Variants in DISP3 observed in about 807,000 individuals in gnomAD.
The protein encoded by DISP3 is dispatched RND transporter family member 3.
In DISP3, 101 loss-of-function variants were observed where a neutral mutation model predicts 135.3. The ratio of observed to expected loss-of-function variants is 0.75; its 90% CI spans 0.64 to 0.88. DISP3 has a LOEUF of 0.88. Among genes scored for constraint, DISP3 ranks in the 40% least tolerant of loss-of-function variants. The probability of loss-of-function intolerance (pLI) is 0.00; values close to 1 mark genes in which losing one functional copy is unlikely to be tolerated. For missense variants in DISP3, 1,713 were observed against 1,878.6 expected (o/e 0.91, Z 1.63); for synonymous variants, 856 against 817.0 (o/e 1.05, Z -0.81).
At chr1:11,517,681 T>G in intron 7 of DISP3, 79 bp downstream of exon 7, 8 of 1,532,782 alleles carry the variant, frequency 5.2e-6, no homozygotes, top group South Asian at 1.1e-5. Flanking sequence ...GCAACCTCTC[T>G]TCCAAAAGCC....
intron 1 of DISP3, among the ~76,000 whole-genome samples, chr1:11,488,962 G>A (rs1226551088): frequency 4.6e-5 from 7 of 152,282 alleles, no homozygotes; most frequent in South Asian, 2.1e-4. Flanking sequence ...CGCCTCCCCC[G>A]CGATGAGAGG....
In DISP3 at chr1:11,501,542, G is replaced by A. The variant is rs1196464584; in HGVS notation, c.550G>A (p.Gly184Ser). Residue 184 changes from glycine (G) to serine (S), a missense_variant, in exon 2 of 21, where the codon GGC becomes AGC. This residue lies in a region of DISP3 where 571 missense variants were observed against 494.1 expected (regional missense o/e 1.16). Coordinates refer to ENST00000294484, the MANE Select transcript of DISP3 (RefSeq NM_020780.2). The surrounding 1 kb of genome is among the most constrained non-coding windows in gnomAD (Gnocchi z 4.9). ...VIPAASLGGP[G>S]PYRDTSAAQK... Reference sequence around the variant, plus strand: ...CCCCGCGGCCTCACTCGGTGGCCCAGGCCCTTACCGGGACACTTCCGCGGC... The same window carrying A: ...CCCCGCGGCCTCACTCGGTGGCCCAAGCCCTTACCGGGACACTTCCGCGGC... The A allele has an allele frequency of 1.3e-6, 2 of 1,592,482 alleles. No homozygotes were observed. The highest frequency in any genetic ancestry group is 1.7e-6 in the Non-Finnish European group (2 of 1,168,396).
intron 1 of DISP3, among the ~76,000 whole-genome samples, chr1:11,492,900 CTAGG>C (rs766143340): frequency 2.0e-5 from 3 of 152,152 alleles, no homozygotes; most frequent in Non-Finnish European, 2.9e-5. Flanking sequence ...ATTTGAGATT[CTAGG>C]TAGGACTTGG....
chr1:11,534,171 C>T (rs1468463661), intron 17 of DISP3, among the ~76,000 whole-genome samples: 2 of 152,242 alleles, frequency 1.3e-5, no homozygotes, highest in Admixed American at 6.5e-5. Context: ...TGGGCAGGGA[C>T]TGTGGTTGCA....
chr1:11,513,785 T>C (rs1312211463), intron 3 of DISP3, among the ~76,000 whole-genome samples: 1 of 152,188 alleles, frequency 6.6e-6, no homozygotes, highest in Admixed American at 6.5e-5. Flanking sequence ...TCATTTTGTT[T>C]CTCATCTCTC....
intron 1 of DISP3, among the ~76,000 whole-genome samples, chr1:11,488,963 C>T (rs894774418): frequency 3.9e-5 from 6 of 152,158 alleles, no homozygotes; most frequent in South Asian, 2.1e-4. Context: ...GCCTCCCCCG[C>T]GATGAGAGGA....
intron 12 of DISP3, 75 bp from the exon 13 acceptor site, chr1:11,526,576 C>T (rs903388781): frequency 2.2e-5 from 33 of 1,489,480 alleles, no homozygotes; most frequent in East Asian, 1.4e-4. Context: ...AGGGAGGGGA[C>T]GGAGCCTGAG....
At position 11,519,471 on chromosome 1, in the gene DISP3, ACAT is replaced by A. The variant is rs768423644; in HGVS notation, c.2008_2010del (p.Ile670del). ...GGCCCCATACCCTACCTGGATGATGACATCCCCTTGCTGGAGGTCGAGGAAGAG... is the reference window on the plus strand; with the variant it reads ...GGCCCCATACCCTACCTGGATGATGACCCCTTGCTGGAGGTCGAGGAAGAG... On this transcript the variant is annotated inframe_deletion, in exon 8 of 21. Coordinates refer to ENST00000294484, the MANE Select transcript of DISP3 (RefSeq NM_020780.2). This position sits in a 1 kb window ranked among gnomAD's most constrained non-coding sequence, Gnocchi z 4.3. 1 of 1,613,712 alleles carries A rather than the reference ACAT, an allele frequency of 6.2e-7. No homozygotes were observed. Among genetic ancestry groups the A allele is most frequent in the Non-Finnish European group, 8.5e-7 (1 of 1,180,008 alleles).
At chr1:11,498,308 G>C (rs1204198387) in intron 1 of DISP3, among the ~76,000 whole-genome samples, 1 of 152,204 alleles carries the variant, frequency 6.6e-6, no homozygotes, top group East Asian at 1.9e-4. Context: ...GTTACTCAAT[G>C]ACCGGGGGCT....
chr1:11,500,037 C>A (rs1641457481), intron 1 of DISP3, among the ~76,000 whole-genome samples: 1 of 152,274 alleles, frequency 6.6e-6, no homozygotes, highest in Non-Finnish European at 1.5e-5. Context: ...GGCCACCCCG[C>A]TGGAGTCCTC....
At chr1:11,533,863 C>T (rs1021499950) in intron 17 of DISP3, 4 of 717,436 alleles carry the variant, frequency 5.6e-6, no homozygotes, top group Non-Finnish European at 7.8e-6. Flanking sequence ...CATCCATGAG[C>T]ACCTCTCGGG....
At chr1:11,500,871 C>A (rs1252339305) in intron 1 of DISP3, 119 bp from the exon 2 acceptor site, 3 of 1,079,092 alleles carry the variant, frequency 2.8e-6, no homozygotes, top group African/African-American at 1.6e-5. Context: ...AATTCCATTG[C>A]AGTATTAGTA....
chr1:11,483,220 A>G lies in DISP3; in HGVS notation c.-4+3848A>G, dbSNP rs563663627. ...CACGGGCGGGAGGATTGAGAGGAAT[A>G]TGTGTCTGTGTGTTGTCAAAGCTCT... On this transcript the variant is annotated intron_variant, in intron 1 of 20. Coordinates refer to ENST00000294484, the MANE Select transcript of DISP3 (RefSeq NM_020780.2). This position sits in a 1 kb window ranked among gnomAD's most constrained non-coding sequence, Gnocchi z 5.4. Among the ~76,000 whole-genome samples the G allele has an allele frequency of 1.3e-5, 2 of 152,328 alleles. No homozygotes were observed. Among genetic ancestry groups the G allele is most frequent in the African/African-American group, 4.8e-5 (2 of 41,574 alleles).
At chr1:11,497,024 G>C (rs958528200) in intron 1 of DISP3, among the ~76,000 whole-genome samples, 2 of 152,114 alleles carry the variant, frequency 1.3e-5, no homozygotes, top group African/African-American at 2.4e-5. Context: ...AGGCAGGCAC[G>C]GGGTGGGGAG....
In DISP3 at chr1:11,519,383, T is replaced by G. The variant is rs1557611841; in HGVS notation, c.1918T>G (p.Ser640Ala). 6.2e-7 allele frequency: 1 copy of G among 1,613,558 alleles called. No individual in the cohort carries two copies. Among genetic ancestry groups the G allele is most frequent in the Non-Finnish European group, 8.5e-7 (1 of 1,179,932 alleles). Residue 640 changes from serine (S) to alanine (A), a missense_variant, in exon 8 of 21, where the codon TCC becomes GCC. Ser to Ala is a moderately conservative substitution (Grantham distance 99). Transcript: ENST00000294484. This position sits in a 1 kb window ranked among gnomAD's most constrained non-coding sequence, Gnocchi z 4.3. Reference protein sequence around the residue: ...SCHQNCSRKTSLHFPGDVFAA... With the variant: ...SCHQNCSRKTALHFPGDVFAA... ...CCACCAGAATTGCAGCCGGAAGACCTCCCTGCACTTCCCCGGAGACGTGTT... is the reference window on the plus strand; with the variant it reads ...CCACCAGAATTGCAGCCGGAAGACCGCCCTGCACTTCCCCGGAGACGTGTT...
chr1:11,505,053 T>G (rs1447546016), intron 3 of DISP3, among the ~76,000 whole-genome samples: 1 of 152,234 alleles, frequency 6.6e-6, no homozygotes, highest in Non-Finnish European at 1.5e-5. Context: ...ACAGTGCTTC[T>G]CACTCTGTCT....
Position 11,520,583 on chromosome 1 carries a change from C to T in DISP3, c.2201-104C>T, listed in dbSNP as rs573791453. The T allele has an allele frequency of 3.8e-4, 512 of 1,358,108 alleles. 1 individual carries two copies. Among genetic ancestry groups the T allele is most frequent in the South Asian group, 1.4e-3 (103 of 71,616 alleles). The allele number at this position is 1,358,108 out of a possible 1,614,324, so 84.1% of individuals were successfully genotyped here. On this transcript the variant is annotated intron_variant, in intron 9 of 20. Coordinates refer to ENST00000294484, the MANE Select transcript of DISP3 (RefSeq NM_020780.2). The surrounding 1 kb of genome is among the most constrained non-coding windows in gnomAD (Gnocchi z 4.8). ...CCTTCCCCCGCACCCTTAGGACACC[C>T]GCCCCCCAACAACCAGAGCAGTTGT...
intron 3 of DISP3, among the ~76,000 whole-genome samples, chr1:11,511,169 G>A (rs1641846442): frequency 1.3e-5 from 2 of 152,040 alleles, no homozygotes; most frequent in Non-Finnish European, 2.9e-5. Flanking sequence ...ATTCCACCCT[G>A]GCCCCTCCAA....
At chr1:11,517,713 C>A in intron 7 of DISP3, 111 bp downstream of exon 7, 1 of 1,368,604 alleles carries the variant, frequency 7.3e-7, no homozygotes, top group Non-Finnish European at 9.9e-7. Flanking sequence ...CAGTCCTTTG[C>A]TAGGCAGGGA....
Sources: gnomAD v4.1 joint callset for allele counts (sites outside exome capture counted in the v4.1 genomes callset) on GRCh38, gnomAD v4.1.1 for gene constraint, gnomAD v4.1.1 regional missense constraint, Gnocchi (gnomAD v3.1) non-coding constraint, MANE v1.5 for transcripts, NCBI Gene and HGNC (gene_info 2026-07-23, HGNC 2026-07-21) for gene names.